Variants in PCDHGA2 observed in about 807,000 individuals in gnomAD.
PCDHGA2 encodes the protein protocadherin gamma-A2.
PCDHGA2 carries 40 observed loss-of-function variants against 59.2 expected under a neutral mutation model. That is an observed-to-expected ratio of 0.68 (90% CI 0.52 to 0.88). PCDHGA2 has a LOEUF of 0.88. Ranked by LOEUF, PCDHGA2 falls within the 40% of genes least tolerant of loss-of-function variation. The pLI is 0.00. For synonymous variants in PCDHGA2, 560 were observed against 526.0 expected, an observed-to-expected ratio of 1.06 and a Z score of -0.89; for missense variants, 1,226 against 1,204.0, an observed-to-expected ratio of 1.02 and a Z score of -0.27.
intron 1 of PCDHGA2, chr5:141,361,539 C>A (rs754978831): frequency 5.0e-6 from 8 of 1,613,910 alleles, no homozygotes; most frequent in African/African-American, 1.3e-5. Flanking sequence ...ATCCTCCTGG[C>A]GCCTCTATCG....
intron 1 of PCDHGA2, chr5:141,428,105 G>A: frequency 1.9e-6 from 3 of 1,608,184 alleles, no homozygotes; most frequent in Admixed American, 1.7e-5. Flanking sequence ...ACCACGTGCT[G>A]CAGGCCATCG....
intron 1 of PCDHGA2, chr5:141,360,805 G>A: frequency 6.2e-7 from 1 of 1,613,924 alleles, no homozygotes; most frequent in Middle Eastern, 1.6e-4. Flanking sequence ...ACCTCAAAGT[G>A]GCACGACCCA....
intron 1 of PCDHGA2, chr5:141,351,697 C>A (rs1257912635): frequency 6.2e-7 from 1 of 1,613,970 alleles, no homozygotes; most frequent in Non-Finnish European, 8.5e-7. Flanking sequence ...ATTTGGGACC[C>A]AACGGCAGAG....
chr5:141,352,064 T>C, intron 1 of PCDHGA2: 1 of 1,605,664 alleles, frequency 6.2e-7, no homozygotes, highest in Non-Finnish European at 8.5e-7. Context: ...TTGGCTGTCC[T>C]ACCACGTGCT....
chr5:141,371,979 G>T (rs1216406946), intron 1 of PCDHGA2: 1 of 1,613,118 alleles, frequency 6.2e-7, no homozygotes, highest in Non-Finnish European at 8.5e-7. Flanking sequence ...GCGTGCCTTC[G>T]AGCTCACTCT....
intron 1 of PCDHGA2, among the ~76,000 whole-genome samples, chr5:141,449,840 T>C (rs1367482819): frequency 6.6e-6 from 1 of 151,692 alleles, no homozygotes; most frequent in Non-Finnish European, 1.5e-5. Context: ...TTTTATATAA[T>C]TAAATTTTAA....
At chr5:141,472,113 A>C (rs1296591849) in intron 1 of PCDHGA2, among the ~76,000 whole-genome samples, 1 of 152,260 alleles carries the variant, frequency 6.6e-6, no homozygotes, top group Non-Finnish European at 1.5e-5. Context: ...ATACATAAAG[A>C]AAATAAAAGA....
At chr5:141,386,334 G>A (rs1220929803) in intron 1 of PCDHGA2, among the ~76,000 whole-genome samples, 1 of 152,008 alleles carries the variant, frequency 6.6e-6, no homozygotes, top group Non-Finnish European at 1.5e-5. Context: ...ATCCAGAAGG[G>A]GTGGATGACA....
At chr5:141,416,287 T>A (rs2096012467) in intron 1 of PCDHGA2, 1 of 152,276 alleles carries the variant, frequency 6.6e-6, no homozygotes, top group Admixed American at 6.5e-5. Flanking sequence ...ATTCTCTAAT[T>A]TCACACTGCT....
intron 1 of PCDHGA2, chr5:141,400,723 C>A (rs1317017521): frequency 6.1e-6 from 4 of 660,798 alleles, no homozygotes; most frequent in Non-Finnish European, 7.7e-6. Flanking sequence ...TATAGATTTA[C>A]AAAGTAGTGA....
intron 1 of PCDHGA2, chr5:141,362,108 C>G (rs1317907295): frequency 6.2e-7 from 1 of 1,613,854 alleles, no homozygotes; most frequent in Admixed American, 1.7e-5. Context: ...TCCGCTACGG[C>G]CACGCTGCAC....
intron 1 of PCDHGA2, chr5:141,374,825 C>T: frequency 1.2e-6 from 2 of 1,613,896 alleles, no homozygotes; most frequent in Non-Finnish European, 1.7e-6. Context: ...GCCTGTCTAC[C>T]GTGTAAGTGT....
chr5:141,345,834 A>G, intron 1 of PCDHGA2: 1 of 1,613,046 alleles, frequency 6.2e-7, no homozygotes, highest in Middle Eastern at 1.7e-4. Context: ...CTCGGGCCAG[A>G]ACGCCTGGCT....
At chr5:141,429,796 A>C (rs2097245618) in intron 1 of PCDHGA2, among the ~76,000 whole-genome samples, 1 of 152,216 alleles carries the variant, frequency 6.6e-6, no homozygotes, top group Non-Finnish European at 1.5e-5. Flanking sequence ...ATTACCAGTA[A>C]TTCTCAGTAA....
In PCDHGA2 at chr5:141,512,443, CCTT is replaced by C. The variant is rs1263805618; in HGVS notation, c.*1272_*1274del. On this transcript the variant is annotated 3_prime_UTR_variant, in exon 4 of 4. Coordinates refer to ENST00000394576, the MANE Select transcript of PCDHGA2 (RefSeq NM_018915.4). ...GCCCCTGCCCTCCTGAAGCCTCAGT[CCTT>C]CACCTTGCCAGGTGCCGTTTCTCTT... The C allele has an allele frequency of 1.3e-5, 2 of 152,896 alleles. No homozygotes were observed. The highest frequency in any genetic ancestry group is 4.8e-5 in the African/African-American group (2 of 41,468). 9.5% of individuals were successfully genotyped at this position (152,896 alleles called of 1,614,324 possible).
At chr5:141,367,450 T>C (rs1038206449) in intron 1 of PCDHGA2, 8 of 152,070 alleles carry the variant, frequency 5.3e-5, no homozygotes, top group African/African-American at 1.4e-4. Flanking sequence ...GGCAGGAGAA[T>C]GGGGTGAACC....
intron 1 of PCDHGA2, chr5:141,360,457 A>T (rs780037606): frequency 1.2e-6 from 2 of 1,613,970 alleles, no homozygotes; most frequent in Non-Finnish European, 1.7e-6. Flanking sequence ...GGATTTCGAT[A>T]CTGTCGCTGA....
At chr5:141,398,951 C>A (rs771456321) in intron 1 of PCDHGA2, 2 of 1,613,822 alleles carry the variant, frequency 1.2e-6, no homozygotes, top group Admixed American at 1.7e-5. Flanking sequence ...GGCATCAACT[C>A]AGAAATTACT....
At chr5:141,461,328 A>G (rs2154567322) in intron 1 of PCDHGA2, among the ~76,000 whole-genome samples, 1 of 152,282 alleles carries the variant, frequency 6.6e-6, no homozygotes, top group East Asian at 1.9e-4. Flanking sequence ...AATAATGGCC[A>G]TTCTTGCAGG....
Sources: gnomAD v4.1 joint callset for allele counts (sites outside exome capture counted in the v4.1 genomes callset) on GRCh38, gnomAD v4.1.1 for gene constraint, MANE v1.5 for transcripts, NCBI Gene and HGNC (gene_info 2026-07-23, HGNC 2026-07-21) for gene names.